Variants in CACNA1C observed in about 807,000 individuals in gnomAD.
CACNA1C encodes the protein voltage-dependent L-type calcium channel subunit alpha-1C.
In CACNA1C, 30 loss-of-function variants were observed where a neutral mutation model predicts 229.0. The ratio of observed to expected loss-of-function variants is 0.13; its 90% CI spans 0.10 to 0.18. CACNA1C has a LOEUF of 0.18. Among genes scored for constraint, CACNA1C ranks in the 10% least tolerant of loss-of-function variants. The pLI is 1.00. For missense variants in CACNA1C, 1,658 were observed against 2,845.0 expected (o/e 0.58, Z 9.49); for synonymous variants, 1,114 against 1,132.5 (o/e 0.98, Z 0.33).
At chr12:2,492,454 G>A (rs1208156608) in intron 6 of CACNA1C, among the ~76,000 whole-genome samples, 1 of 152,232 alleles carries the variant, frequency 6.6e-6, no homozygotes, top group Non-Finnish European at 1.5e-5. Flanking sequence ...TATTCATGCT[G>A]CAGAGCAAAG....
chr12:2,002,361 C>A (rs34667531), intron 1 of CACNA1C, among the ~76,000 whole-genome samples: 2 of 152,198 alleles, frequency 1.3e-5, no homozygotes, highest in Non-Finnish European at 2.9e-5. Context: ...TGCAGTTGAA[C>A]TAGGTCTCTC....
Position 2,679,502 on chromosome 12 carries a change from C to A in CACNA1C, c.5150C>A (p.Ala1717Asp). The change falls in exon 42 of 47, where the codon GCC becomes GAC. Residue 1717 changes from alanine to aspartate, a missense_variant. Physicochemically the swap from Ala to Asp is moderately radical, Grantham distance 126. Around this residue, in one of 20 missense-constraint regions of CACNA1C, gnomAD observed 590 missense variants for 700.8 expected, o/e 0.84. Transcript: ENST00000399655. This position sits in a 1 kb window ranked among gnomAD's most constrained non-coding sequence, Gnocchi z 5.5. Reference protein sequence around the residue: ...VSYYQSDGRSAFPQTFTTQRP... With the variant: ...VSYYQSDGRSDFPQTFTTQRP... ...TACTACCAAAGCGACGGCCGGAGCGCCTTCCCCCAGACCTTCACCACTCAG... is the reference window on the plus strand; with the variant it reads ...TACTACCAAAGCGACGGCCGGAGCGACTTCCCCCAGACCTTCACCACTCAG... 1.2e-6 allele frequency: 2 copies of A among 1,609,272 alleles called. No individual in the cohort carries two copies. The highest frequency in any genetic ancestry group is 4.5e-5 in the East Asian group (2 of 44,748).
At chr12:2,344,033 T>C (rs751800103) in intron 3 of CACNA1C, among the ~76,000 whole-genome samples, 22 of 152,362 alleles carry the variant, frequency 1.4e-4, no homozygotes, top group Non-Finnish European at 2.8e-4. Context: ...ATTGATAGTT[T>C]GAAAACTTTG....
chr12:2,606,942 G>T (rs143767140), intron 25 of CACNA1C, 42 bp from the exon 26 acceptor site: 106 of 1,604,904 alleles, frequency 6.6e-5, no homozygotes, highest in Non-Finnish European at 7.4e-5. Context: ...CGTGAAGGAA[G>T]ATGGGAGATC....
At chr12:2,256,824 C>A (rs1041249061) in intron 3 of CACNA1C, among the ~76,000 whole-genome samples, 2 of 152,168 alleles carry the variant, frequency 1.3e-5, no homozygotes, top group South Asian at 2.1e-4. Context: ...TTAAAACACT[C>A]CACAGGTGAT....
intron 5 of CACNA1C, 150 bp from the exon 6 acceptor site, chr12:2,485,954 C>G (rs2099695831): frequency 1.7e-6 from 1 of 578,292 alleles, no homozygotes; most frequent in African/African-American, 1.9e-5. Context: ...CACCATCAGT[C>G]CTTGGCGTGT....
rs148346433 is a variant in CACNA1C, at chr12:2,527,709, G to T, written c.1390+14725G>T. Reference sequence around the variant, plus strand: ...TAAGGTCAGCTGGGTCCAGCTTTGAGTAAAAAGCTTGGCATGATGCTTGCT... The same window carrying T: ...TAAGGTCAGCTGGGTCCAGCTTTGATTAAAAAGCTTGGCATGATGCTTGCT... On this transcript the variant is annotated intron_variant, in intron 9 of 46. Coordinates refer to ENST00000399655, the MANE Select transcript of CACNA1C (RefSeq NM_000719.7). Among the ~76,000 whole-genome samples the T allele has an allele frequency of 1.3e-3, 202 of 152,320 alleles. 1 individual carries two copies. The highest frequency in any genetic ancestry group is 4.7e-3 in the African/African-American group (195 of 41,580).
intron 5 of CACNA1C, among the ~76,000 whole-genome samples, chr12:2,469,388 G>T (rs182871610): frequency 6.6e-6 from 1 of 152,192 alleles, no homozygotes; most frequent in Non-Finnish European, 1.5e-5. Flanking sequence ...CATCTATGCC[G>T]CATTGTGTTG....
chr12:2,033,321 C>A (rs963911707), intron 1 of CACNA1C, among the ~76,000 whole-genome samples: 3 of 152,150 alleles, frequency 2.0e-5, no homozygotes, highest in Non-Finnish European at 4.4e-5. Flanking sequence ...ATGTGCTCGG[C>A]CACCACCTGG....
At chr12:2,222,405 C>T (rs926792990) in intron 3 of CACNA1C, 1 of 152,206 alleles carries the variant, frequency 6.6e-6, no homozygotes, top group Non-Finnish European at 1.5e-5. Flanking sequence ...ACCTCTAATG[C>T]ACAGACTCTT....
intron 3 of CACNA1C, among the ~76,000 whole-genome samples, chr12:2,267,496 C>T (rs567441965): frequency 6.6e-6 from 1 of 152,268 alleles, no homozygotes; most frequent in East Asian, 1.9e-4. Flanking sequence ...TGAGCACCTG[C>T]CGGATTCACC....
At chr12:2,032,786 T>A (rs2048448768) in intron 1 of CACNA1C, among the ~76,000 whole-genome samples, 1 of 152,204 alleles carries the variant, frequency 6.6e-6, no homozygotes, top group Admixed American at 6.5e-5. Context: ...GCTGCTGCCA[T>A]CTCGGGCTTA....
At chr12:2,619,579 G>A (rs145895316) in intron 29 of CACNA1C, among the ~76,000 whole-genome samples, 2 of 152,106 alleles carry the variant, frequency 1.3e-5, no homozygotes, top group Admixed American at 6.5e-5. Flanking sequence ...CATCAACGAC[G>A]CTACCAGCAT....
intron 3 of CACNA1C, among the ~76,000 whole-genome samples, chr12:2,375,137 C>T (rs920486921): frequency 5.3e-5 from 8 of 152,208 alleles, no homozygotes; most frequent in African/African-American, 1.9e-4. Flanking sequence ...AACATGAACC[C>T]AGTGCAGGGC....
At chr12:2,481,956 G>A (rs1320597231) in intron 5 of CACNA1C, among the ~76,000 whole-genome samples, 2 of 152,254 alleles carry the variant, frequency 1.3e-5, no homozygotes, top group Admixed American at 1.3e-4. Flanking sequence ...CGGTGAGCAT[G>A]GCCTATCTGA....
At chr12:2,281,386 T>C (rs1263085805) in intron 3 of CACNA1C, among the ~76,000 whole-genome samples, 2 of 152,086 alleles carry the variant, frequency 1.3e-5, no homozygotes, top group African/African-American at 4.8e-5. Flanking sequence ...GATTCCTTTA[T>C]GTAGATCCAC....
At chr12:2,205,918 T>C (rs1178650272) in intron 3 of CACNA1C, among the ~76,000 whole-genome samples, 1 of 152,216 alleles carries the variant, frequency 6.6e-6, no homozygotes, top group East Asian at 1.9e-4. Context: ...CTGGAGTCTC[T>C]AAGAGTGTTA....
intron 4 of CACNA1C, among the ~76,000 whole-genome samples, chr12:2,449,451 C>T (rs989604172): frequency 3.3e-5 from 5 of 152,198 alleles, no homozygotes; most frequent in African/African-American, 4.8e-5. Context: ...CCTCCCAGTG[C>T]GCAGGCTGGC....
chr12:2,484,610 T>C (rs940640487), intron 5 of CACNA1C, among the ~76,000 whole-genome samples: 2 of 152,122 alleles, frequency 1.3e-5, no homozygotes, highest in African/African-American at 2.4e-5. Context: ...TTGGAGGCGG[T>C]GGCACTGAGG....
Sources: gnomAD v4.1 joint callset for allele counts (sites outside exome capture counted in the v4.1 genomes callset) on GRCh38, gnomAD v4.1.1 for gene constraint, gnomAD v4.1.1 regional missense constraint, Gnocchi (gnomAD v3.1) non-coding constraint, MANE v1.5 for transcripts, NCBI Gene and HGNC (gene_info 2026-07-23, HGNC 2026-07-21) for gene names.